SRD5A2: variants seen among roughly 807,000 people sequenced by gnomAD.
The protein encoded by SRD5A2 is steroid 5 alpha-reductase 2.
Under a neutral mutation model 27.4 loss-of-function variants are expected in SRD5A2, and 30 were observed. The observed-to-expected ratio is 1.10, with a 90% CI of 0.82 to 1.49. The LOEUF (loss-of-function observed/expected upper bound fraction) is 1.49, where lower values mean the gene tolerates loss of function less well. Among genes scored for constraint, SRD5A2 ranks in the 40% most tolerant of loss-of-function variants. The probability of loss-of-function intolerance (pLI) is 0.00; values close to 1 mark genes in which losing one functional copy is unlikely to be tolerated. For missense variants in SRD5A2, 348 were observed against 323.4 expected, an observed-to-expected ratio of 1.08 and a Z score of -0.58; for synonymous variants, 141 against 133.6, an observed-to-expected ratio of 1.06 and a Z score of -0.38.
chr2:31,660,136 G>C, the SRD5A2 span, among the ~76,000 whole-genome samples: 2 of 151,820 alleles, frequency 1.3e-5, no homozygotes, highest in East Asian at 3.9e-4. Flanking sequence ...ATTTTTTAAA[G>C]TGGTCATAGA....
chr2:31,538,377 CA>C, intron 1 of SRD5A2, among the ~76,000 whole-genome samples: 1 of 152,226 alleles, frequency 6.6e-6, no homozygotes, highest in Admixed American at 6.5e-5. Context: ...TCTTTATCTG[CA>C]AAATGTTTTC....
At chr2:31,567,542 A>G (rs1324365170) in intron 1 of SRD5A2, among the ~76,000 whole-genome samples, 4 of 151,900 alleles carry the variant, frequency 2.6e-5, no homozygotes, top group Non-Finnish European at 2.9e-5. Context: ...TAATGAACAC[A>G]TCCATCACAA....
At chr2:31,594,049 C>A in the SRD5A2 span, among the ~76,000 whole-genome samples, 41 of 152,112 alleles carry the variant, frequency 2.7e-4, no homozygotes, top group African/African-American at 9.4e-4. Flanking sequence ...AAAAGAAATT[C>A]TAAATATTGA....
intron 1 of SRD5A2, among the ~76,000 whole-genome samples, chr2:31,578,709 C>T (rs1217428176): frequency 1.1e-4 from 16 of 152,162 alleles, no homozygotes; most frequent in Non-Finnish European, 1.5e-5. Context: ...TCTCCAAGTC[C>T]TTTACTAATA....
chr2:31,628,285 C>T, the SRD5A2 span, among the ~76,000 whole-genome samples: 1 of 152,014 alleles, frequency 6.6e-6, no homozygotes, highest in Non-Finnish European at 1.5e-5. Context: ...GAAATTAGAA[C>T]AGCAACCCCT....
upstream of SRD5A2, among the ~76,000 whole-genome samples, chr2:31,582,999 T>C (rs891356448): frequency 5.9e-5 from 9 of 152,230 alleles, no homozygotes; most frequent in Admixed American, 2.0e-4. Flanking sequence ...CCACTTTTTG[T>C]CCTCATGATC....
the SRD5A2 span, among the ~76,000 whole-genome samples, chr2:31,638,707 T>G: frequency 6.6e-6 from 1 of 152,070 alleles, no homozygotes; most frequent in Non-Finnish European, 1.5e-5. Flanking sequence ...GTCTCTGATT[T>G]GTAGTCTATT....
chr2:31,559,966 G>A (rs1172764094), intron 1 of SRD5A2, among the ~76,000 whole-genome samples: 1 of 150,718 alleles, frequency 6.6e-6, no homozygotes. Context: ...GATTTAAGTA[G>A]AACAGAGTGG....
At chr2:31,556,175 C>A (rs1246609722) in intron 1 of SRD5A2, among the ~76,000 whole-genome samples, 2 of 152,106 alleles carry the variant, frequency 1.3e-5, no homozygotes, top group Non-Finnish European at 2.9e-5. Flanking sequence ...AATAAATAGT[C>A]ACTTGTTTGT....
At chr2:31,593,602 C>T in the SRD5A2 span, among the ~76,000 whole-genome samples, 57 of 152,248 alleles carry the variant, frequency 3.7e-4, no homozygotes, top group African/African-American at 1.2e-3. Context: ...GAAAATAAAT[C>T]TAAAAGTTTG....
rs755707244 is a variant in SRD5A2, at chr2:31,529,390, G to A, written c.615C>T (p.Ala205=). 1 of 1,613,898 alleles carries A rather than the reference G, an allele frequency of 6.2e-7. No individual in the cohort carries two copies. The highest frequency in any genetic ancestry group is 1.1e-5 in the South Asian group (1 of 91,070). ...GTGCTGGGAGGGACCAAGTGGCCAG[G>A]GCATAGCCGATCCATTCAATGATCT... is the stretch of plus-strand genomic sequence containing the variant. The part of the protein sequence containing the change: ...LGEIIEWIGY[A]LATWSLPALA... Residue 205 remains alanine (A), a synonymous_variant, in exon 4 of 5, where the codon GCC becomes GCT. Coordinates refer to ENST00000622030, the MANE Select transcript of SRD5A2 (RefSeq NM_000348.4).
intron 1 of SRD5A2, among the ~76,000 whole-genome samples, chr2:31,548,949 T>C (rs1353762853): frequency 1.3e-5 from 2 of 151,892 alleles, no homozygotes; most frequent in South Asian, 2.1e-4. Flanking sequence ...CTGAGAGCAA[T>C]GTGCTAAGTG....
chr2:31,575,834 G>T (rs1249147150), intron 1 of SRD5A2, among the ~76,000 whole-genome samples: 2 of 152,136 alleles, frequency 1.3e-5, no homozygotes, highest in Non-Finnish European at 2.9e-5. Flanking sequence ...CAGTTATCAA[G>T]GTCCCATCAA....
the SRD5A2 span, among the ~76,000 whole-genome samples, chr2:31,596,265 G>A: frequency 2.6e-5 from 4 of 151,672 alleles, no homozygotes; most frequent in Non-Finnish European, 5.9e-5. Context: ...GTGGGCAGCT[G>A]TAGTCCCAGC....
chr2:31,580,950 G>GC, upstream of SRD5A2: 2 of 1,555,724 alleles, frequency 1.3e-6, no homozygotes, highest in Non-Finnish European at 8.7e-7. Flanking sequence ...AGAGAGCGCG[G>GC]CCCCCGCAAC....
the SRD5A2 span, among the ~76,000 whole-genome samples, chr2:31,657,339 T>C: frequency 2.3e-4 from 35 of 152,334 alleles, no homozygotes; most frequent in African/African-American, 7.9e-4. Context: ...TTTGAAAGGA[T>C]TGTAATACAT....
the SRD5A2 span, chr2:31,651,454 C>T: frequency 4.3e-6 from 1 of 231,196 alleles, no homozygotes; most frequent in South Asian, 8.3e-5. Context: ...TCATGCTGGC[C>T]AAGCAGACTT....
chr2:31,654,186 C>T, the SRD5A2 span, among the ~76,000 whole-genome samples: 1 of 151,886 alleles, frequency 6.6e-6, no homozygotes, highest in Non-Finnish European at 1.5e-5. Context: ...GTTATACCTG[C>T]TGTTTGCAAA....
At chr2:31,651,500 C>G in the SRD5A2 span, 2 of 221,996 alleles carry the variant, frequency 9.0e-6, no homozygotes, top group African/African-American at 4.6e-5. Flanking sequence ...AGATGACTGA[C>G]TTTACCCAAT....
Sources: allele counts gnomAD v4.1 joint callset (sites outside exome capture counted in the v4.1 genomes callset), GRCh38; gene constraint gnomAD v4.1.1; transcripts MANE v1.5; gene names NCBI Gene and HGNC (gene_info 2026-07-23, HGNC 2026-07-21).